CCDC78: variants seen among roughly 807,000 people sequenced by gnomAD.
The protein encoded by CCDC78 is coiled-coil domain-containing protein 78.
A neutral mutation model predicts 61.9 loss-of-function variants in CCDC78; 78 were observed. The observed-to-expected ratio is 1.26, with a 90% CI of 1.05 to 1.52. The LOEUF is 1.52. CCDC78 is among the 40% of genes most tolerant of loss of function. The pLI is 0.00. For missense variants in CCDC78, 737 were observed against 615.5 expected (o/e 1.20, Z -2.09); for synonymous variants, 287 against 251.9 (o/e 1.14, Z -1.32).
Position 725,417 on chromosome 16 carries a change from A to T in CCDC78, c.431T>A (p.Phe144Tyr). The change falls in exon 4 of 14, where the codon TTC becomes TAC. Residue 144 changes from phenylalanine to tyrosine, a missense_variant. Transcript: ENST00000345165. ...QVPGHSDDHRFQVQPKNTMNP... is the reference protein window; with the variant it reads ...QVPGHSDDHRYQVQPKNTMNP... The stretch of plus-strand genomic sequence containing the variant: ...TCTCCATATGCTCATGGTAACCTGG[A>T]ATCTGTGGTCATCAGAGTGTCCAGG... The T allele has an allele frequency of 6.2e-7, 1 of 1,612,598 alleles. No individual in the cohort carries two copies. Among genetic ancestry groups the T allele is most frequent in the Non-Finnish European group, 8.5e-7 (1 of 1,179,910 alleles).
In CCDC78 at chr16:724,404, G is replaced by C; in HGVS notation, c.871C>G (p.Gln291Glu). The change falls in exon 9 of 14, where the codon CAG (glutamine) becomes GAG (glutamate). Residue 291 changes from glutamine to glutamate, a missense_variant. Coordinates refer to ENST00000345165, the MANE Select transcript of CCDC78 (RefSeq NM_001378030.1). ...IRAAHRSREQ[Q>E]LARAARSYHK... ...TAGCTGCGGGCAGCCCGGGCCAGCT[G>C]CTGCTCACGGCTGCGGTGCGCTGCC... 1 of 1,610,464 alleles carries C rather than the reference G, an allele frequency of 6.2e-7. No homozygotes were observed. Among genetic ancestry groups the C allele is most frequent in the Non-Finnish European group, 8.5e-7 (1 of 1,179,950 alleles).
In CCDC78 at chr16:726,429, G is replaced by C; in HGVS notation, c.-62C>G. On this transcript the variant is annotated 5_prime_UTR_variant, in exon 1 of 14. Transcript: ENST00000345165. ...TGCCTCCACGCCCGGCTTCCCCATG[G>C]CTGCTGCTGCCACTGGCACTGCTAA... 6.7e-7 allele frequency: 1 copy of C among 1,497,128 alleles called. No homozygotes were observed. Among genetic ancestry groups the C allele is most frequent in the Non-Finnish European group, 8.8e-7 (1 of 1,132,744 alleles). 92.7% of individuals were successfully genotyped at this position (1,497,128 alleles called of 1,614,324 possible). A position where few individuals can be genotyped will look rare whatever the true frequency, so the allele number is the denominator to read the frequency against.
At chr16:723,970 G>A in intron 10 of CCDC78, 34 bp from the exon 11 acceptor site, 1 of 1,600,276 alleles carries the variant, frequency 6.2e-7, no homozygotes, top group Non-Finnish European at 8.5e-7. Context: ...GTTTCAGTTG[G>A]CTGAACAAGG....
intron 11 of CCDC78, chr16:723,568 C>T: frequency 1.5e-6 from 1 of 680,502 alleles, no homozygotes; most frequent in Non-Finnish European, 2.7e-6. Context: ...GCTCCCACCC[C>T]TCGCGTCCTC....
chr16:723,758 G>C, intron 11 of CCDC78, 99 bp downstream of exon 11: 1 of 1,091,394 alleles, frequency 9.2e-7, no homozygotes, highest in Non-Finnish European at 1.4e-6. Context: ...GACCCTGTCT[G>C]GCGGGGGCTT....
intron 10 of CCDC78, 30 bp downstream of exon 10, chr16:724,076 C>T (rs947191895): frequency 1.9e-6 from 3 of 1,570,322 alleles, no homozygotes; most frequent in African/African-American, 2.7e-5. Flanking sequence ...GGCACCCGGG[C>T]CTGGAGCTTC....
chr16:723,426 A>G, intron 11 of CCDC78: 2 of 695,900 alleles, frequency 2.9e-6, no homozygotes, highest in Non-Finnish European at 5.2e-6. Context: ...TGACTCCAGC[A>G]TCAACAGGGA....
At chr16:723,480 C>T (rs1279078800) in intron 11 of CCDC78, 7 of 679,654 alleles carry the variant, frequency 1.0e-5, no homozygotes, top group Non-Finnish European at 1.9e-5. Context: ...GGAAATGGTC[C>T]TTGGGGAGCC....
Position 724,679 on chromosome 16 carries a change from A to G in CCDC78, c.765+2T>C, listed in dbSNP as rs1402642093. Reference sequence around the variant, plus strand: ...GCCTCAGGGTGCTCCTGCAGGGCTCACCACTGCCTGCCAGGCGCAGTGTTG... The same window carrying G: ...GCCTCAGGGTGCTCCTGCAGGGCTCGCCACTGCCTGCCAGGCGCAGTGTTG... On this transcript the variant is annotated splice_donor_variant, in intron 8 of 13. Coordinates refer to ENST00000345165, the MANE Select transcript of CCDC78 (RefSeq NM_001378030.1). LOFTEE classifies it high-confidence loss of function. The G allele has an allele frequency of 1.9e-6, 3 of 1,609,534 alleles. No homozygotes were observed. The highest frequency in any genetic ancestry group is 1.7e-6 in the Non-Finnish European group (2 of 1,179,454).
At position 725,305 on chromosome 16, in the gene CCDC78, G is replaced by A. The variant is rs757981168; in HGVS notation, c.436-12C>T. On this transcript the variant is annotated splice_polypyrimidine_tract_variant and intron_variant, in intron 4 of 13. Transcript: ENST00000345165. ...TTCTTGGGCTGCACCTGAATGGAAG[G>A]GAGGGCAGGGAAAGCTAAGGGGTGG... The A allele has an allele frequency of 1.2e-6, 2 of 1,608,796 alleles. No individual in the cohort carries two copies. The highest frequency in any genetic ancestry group is 1.7e-5 in the Admixed American group (1 of 59,992).
At chr16:723,601 T>C in intron 11 of CCDC78, 1 of 689,620 alleles carries the variant, frequency 1.5e-6, no homozygotes, top group Non-Finnish European at 2.7e-6. Flanking sequence ...GAAACCTCCC[T>C]CAGGTGTGCT....
intron 10 of CCDC78, 24 bp downstream of exon 10, chr16:724,082 G>A: frequency 3.2e-6 from 5 of 1,572,526 alleles, no homozygotes; most frequent in East Asian, 2.3e-5. Context: ...CGGGCCTGGA[G>A]CTTCTGGGGG....
At position 723,853 on chromosome 16, in the gene CCDC78, TCA is replaced by T. The variant is rs1262552530; in HGVS notation, c.1133+2_1133+3del. On this transcript the variant is annotated splice_donor_variant and splice_donor_region_variant and intron_variant, in intron 11 of 13. Coordinates refer to ENST00000345165, the MANE Select transcript of CCDC78 (RefSeq NM_001378030.1). LOFTEE classifies it high-confidence loss of function. ...GCCTCCCCCACACCCATGAGGGCAC[TCA>T]CTGTGGCTCTGATGTTCCCCCCTGG... 3.2e-6 allele frequency: 5 copies of T among 1,580,430 alleles called. No homozygotes were observed. Among genetic ancestry groups the T allele is most frequent in the Non-Finnish European group, 3.4e-6 (4 of 1,163,446 alleles).
At chr16:723,442 C>T (rs1411393167) in intron 11 of CCDC78, 5 of 692,470 alleles carry the variant, frequency 7.2e-6, no homozygotes, top group Non-Finnish European at 1.3e-5. Context: ...AGGGATGCCA[C>T]CCCCACACGG....
chr16:723,873 C>T lies in CCDC78; in HGVS notation c.1117G>A (p.Gly373Arg), dbSNP rs2151547745. 2 of 1,594,052 alleles carry T rather than the reference C, an allele frequency of 1.3e-6. No individual in the cohort carries two copies. Among genetic ancestry groups the T allele is most frequent in the Non-Finnish European group, 1.7e-6 (2 of 1,170,558 alleles). Residue 373 changes from glycine to arginine, a missense_variant, in exon 11 of 14, where the codon GGA becomes AGA. Physicochemically the swap from Gly to Arg is moderately radical, Grantham distance 125. Coordinates refer to ENST00000345165, the MANE Select transcript of CCDC78 (RefSeq NM_001378030.1). ...KKRPGGASQG[G>R]TSEPQGLDAA... The stretch of plus-strand genomic sequence containing the variant: ...GGCACTCACTGTGGCTCTGATGTTC[C>T]CCCCTGGGAGGCTCCACCGGGTCTC...
rs763378541 is a variant in CCDC78, at chr16:723,907, G to A, written c.1083C>T (p.Ser361=). The change falls in exon 11 of 14, where the codon TCC becomes TCT. Residue 361 remains serine, a synonymous_variant. Coordinates refer to ENST00000345165, the MANE Select transcript of CCDC78 (RefSeq NM_001378030.1). ...AGGCTCCACCGGGTCTCTTTTTTGG[G>A]GATGAGAGCAGTGCCCCAGGCCCGC... ...QHGGPGALLS[S]PKKRPGGASQ... is the part of the protein sequence containing the mutation. 51 of 1,601,378 alleles carry A rather than the reference G, an allele frequency of 3.2e-5. No individual in the cohort carries two copies. The Admixed American group carries it at 8.5e-4, about 27-fold the overall frequency.
At chr16:726,677 G>A (rs2040973296), upstream of CCDC78, 1 of 503,102 alleles carries the variant, frequency 2.0e-6, no homozygotes, top group Non-Finnish European at 3.6e-6. Flanking sequence ...CGAGCACGCG[G>A]AACGGAGCGG....
chr16:726,344 G>A lies in CCDC78; in HGVS notation c.24C>T (p.Gly8=), dbSNP rs1253516416. 3 of 1,543,766 alleles carry A rather than the reference G, an allele frequency of 1.9e-6. 1 individual carries two copies. Among genetic ancestry groups the A allele is most frequent in the South Asian group, 2.4e-5 (2 of 83,904 alleles). Reference sequence around the variant, plus strand: ...GCCGAGAGGGAGGTCCAGGCCTGGGGCCTGTGGTGGCTGCGTGCTCCATAG... The same window carrying A: ...GCCGAGAGGGAGGTCCAGGCCTGGGACCTGTGGTGGCTGCGTGCTCCATAG... The part of the protein sequence containing the change: MEHAATT[G]PRPGPPSRRV... The change falls in exon 1 of 14, where the codon GGC becomes GGT. Residue 8 remains glycine, a synonymous_variant. Transcript: ENST00000345165.
rs539700562 is a variant in CCDC78 at position 724,865 on chromosome 16, G to T, written c.639+46C>A. 5 of 1,603,200 alleles carry T rather than the reference G, an allele frequency of 3.1e-6. No individual in the cohort carries two copies. The African/African-American group carries it at 5.4e-5, about 17-fold the overall frequency. ...AGAGTGGACCCCGGCTGAGCTTCTG[G>T]GGCCCCCACCCTCCAGGTCTCCAAG... On this transcript the variant is annotated intron_variant, in intron 7 of 13. Transcript: ENST00000345165.
Sources: gnomAD v4.1 joint callset for allele counts on GRCh38, gnomAD v4.1.1 for gene constraint, MANE v1.5 for transcripts, NCBI Gene and HGNC (gene_info 2026-07-23, HGNC 2026-07-21) for gene names.